Variants in CPSF3 observed in about 807,000 individuals in gnomAD.
CPSF3 encodes cleavage and polyadenylation specific factor 3, also known as cleavage and polyadenylation specificity factor subunit 3.
CPSF3 carries 57 observed loss-of-function variants against 84.1 expected under a neutral mutation model. That is an observed-to-expected ratio of 0.68 (90% CI 0.55 to 0.85). CPSF3 has a LOEUF of 0.85. CPSF3 is among the 40% of genes least tolerant of loss of function. The probability of loss-of-function intolerance (pLI) is 0.00; values close to 1 mark genes in which losing one functional copy is unlikely to be tolerated. For synonymous variants in CPSF3, 275 were observed against 278.1 expected (o/e 0.99, Z 0.11); for missense variants, 522 against 838.8 (o/e 0.62, Z 4.66).
At chr2:9,456,875 G>C (rs1424164147) in intron 13 of CPSF3, 58 bp from the exon 14 acceptor site, 2 of 1,027,622 alleles carry the variant, frequency 1.9e-6, no homozygotes, top group East Asian at 2.4e-5. Context: ...ACAAACGAAT[G>C]GTCTCTGGAA....
intron 12 of CPSF3, 129 bp from the exon 13 acceptor site, chr2:9,455,530 A>T: frequency 1.5e-6 from 1 of 645,778 alleles, no homozygotes; most frequent in African/African-American, 1.8e-5. Context: ...GTACCAAATT[A>T]AGGAGCATCT....
At chr2:9,472,396 A>G (rs1298970202) in intron 17 of CPSF3, among the ~76,000 whole-genome samples, 2 of 152,084 alleles carry the variant, frequency 1.3e-5, no homozygotes, top group Non-Finnish European at 2.9e-5. Flanking sequence ...TGTTGAGTAG[A>G]TAGCCACATC....
intron 15 of CPSF3, among the ~76,000 whole-genome samples, chr2:9,466,343 CG>C (rs1681961855): frequency 3.4e-5 from 2 of 58,452 alleles, no homozygotes; most frequent in African/African-American, 7.0e-5. Flanking sequence ...CGCACACACG[CG>C]CGCGCGCGCA....
chr2:9,446,173 A>G (rs1455608741), intron 10 of CPSF3, among the ~76,000 whole-genome samples: 3 of 152,224 alleles, frequency 2.0e-5, no homozygotes, highest in Admixed American at 6.5e-5. Flanking sequence ...AGAACAATCT[A>G]TCTTGGCCGG....
chr2:9,442,782 G>A (rs769785492), intron 9 of CPSF3, among the ~76,000 whole-genome samples: 2 of 151,914 alleles, frequency 1.3e-5, no homozygotes, highest in Non-Finnish European at 2.9e-5. Context: ...GAAACTGGAG[G>A]CGGAGGTTGC....
At chr2:9,454,326 T>C (rs1681437184) in intron 12 of CPSF3, among the ~76,000 whole-genome samples, 2 of 152,006 alleles carry the variant, frequency 1.3e-5, no homozygotes, top group African/African-American at 4.8e-5. Flanking sequence ...GAGAGTTGCT[T>C]GAATGCAGGA....
intron 10 of CPSF3, among the ~76,000 whole-genome samples, chr2:9,443,904 A>G (rs1221407796): frequency 2.0e-5 from 3 of 151,748 alleles, no homozygotes; most frequent in African/African-American, 7.3e-5. Flanking sequence ...TTTTTCTGTT[A>G]TTTTCTGCTG....
At chr2:9,454,153 T>C (rs1312179397) in intron 12 of CPSF3, among the ~76,000 whole-genome samples, 1 of 152,128 alleles carries the variant, frequency 6.6e-6, no homozygotes, top group Non-Finnish European at 1.5e-5. Context: ...CTCACGCCTG[T>C]AATCCCAGCA....
intron 15 of CPSF3, among the ~76,000 whole-genome samples, chr2:9,466,238 GCGCACGCA>G (rs1198904792): frequency 1.6e-5 from 2 of 123,324 alleles, no homozygotes; most frequent in Non-Finnish European, 3.5e-5. Context: ...ACACACGTGC[GCGCACGCA>G]CGCGCACACA....
chr2:9,447,155 T>C (rs532226773), intron 10 of CPSF3, among the ~76,000 whole-genome samples: 1 of 152,060 alleles, frequency 6.6e-6, no homozygotes, highest in South Asian at 2.1e-4. Context: ...AAGAAATATA[T>C]AAAGTAATAA....
chr2:9,426,641 A>G (rs560348878), intron 1 of CPSF3, among the ~76,000 whole-genome samples: 2 of 152,276 alleles, frequency 1.3e-5, no homozygotes, highest in East Asian at 1.9e-4. Context: ...AGGTGGCTGA[A>G]TATGTGAAGG....
At chr2:9,466,392 GCACACA>G (rs544766741) in intron 15 of CPSF3, among the ~76,000 whole-genome samples, 3 of 143,590 alleles carry the variant, frequency 2.1e-5, no homozygotes, top group Admixed American at 6.9e-5. Flanking sequence ...GCACACACGC[GCACACA>G]CACGCACGCG....
chr2:9,448,198 A>G lies in CPSF3; in HGVS notation c.1243A>G (p.Ile415Val). 1 of 1,580,030 alleles carries G rather than the reference A, an allele frequency of 6.3e-7. No individual in the cohort carries two copies. Among genetic ancestry groups the G allele is most frequent in the South Asian group, 1.2e-5 (1 of 86,180 alleles). Residue 415 changes from isoleucine (I) to valine (V), a missense_variant and splice_region_variant, in exon 11 of 18, where the codon ATT becomes GTT. Physicochemically the swap from Ile to Val is conservative, Grantham distance 29. Transcript: ENST00000238112. ...TTCTTTTAACATTTATTCTATGTAG[A>G]TTTTAGTCCATGGAGAACAGAATGA... ...FIRALKPPHV[I>V]LVHGEQNEMA...
rs866660801 is a variant in CPSF3, at chr2:9,428,789, A to G, written c.75A>G (p.Arg25=). 11 of 1,605,888 alleles carry G rather than the reference A, an allele frequency of 6.8e-6. No homozygotes were observed. The Middle Eastern group carries it at 1.7e-3, about 242-fold the overall frequency. The part of the protein sequence containing the change: ...RPLGAGQEVG[R]SCIILEFKGR... Reference sequence around the variant, plus strand: ...GTGGAGCTGGGCAAGAAGTAGGAAGATCATGTATTATTCTCGAGTTCAAAG... The same window carrying G: ...GTGGAGCTGGGCAAGAAGTAGGAAGGTCATGTATTATTCTCGAGTTCAAAG... Residue 25 remains arginine (R), a synonymous_variant, in exon 2 of 18, where the codon AGA becomes AGG. Transcript: ENST00000238112.
At chr2:9,450,612 A>G (rs1261392849) in intron 11 of CPSF3, among the ~76,000 whole-genome samples, 1 of 151,622 alleles carries the variant, frequency 6.6e-6, no homozygotes, top group Non-Finnish European at 1.5e-5. Flanking sequence ...ACATGGAGAA[A>G]CCCTGTCTCT....
chr2:9,450,578 A>C (rs1234076110), intron 11 of CPSF3, among the ~76,000 whole-genome samples: 1 of 151,958 alleles, frequency 6.6e-6, no homozygotes, highest in Admixed American at 6.6e-5. Flanking sequence ...ATCTGAGATC[A>C]GGAGTTCGAG....
rs543095104 is a variant in CPSF3, at chr2:9,429,347, C to A, written c.114+519C>A. Among the ~76,000 whole-genome samples, 343 of 152,328 alleles carry A rather than the reference C, an allele frequency of 2.3e-3. 1 individual carries two copies. Among genetic ancestry groups the A allele is most frequent in the African/African-American group, 7.7e-3 (321 of 41,572 alleles). On this transcript the variant is annotated intron_variant, in intron 2 of 17. Transcript: ENST00000238112. The stretch of plus-strand genomic sequence containing the variant: ...GAAAGTCAGTTCTGTGTCTCAGATT[C>A]CTTTGATTCCTCTTTCTTCTCAACT...
chr2:9,444,337 G>A lies in CPSF3; in HGVS notation c.1242+676G>A, dbSNP rs569619259. ...GAGATGGGGTTTCACCGTCTTGGCC[G>A]GGCTGGTCTTGAACTCCTGACTTCA... On this transcript the variant is annotated intron_variant, in intron 10 of 17. Coordinates refer to ENST00000238112, the MANE Select transcript of CPSF3 (RefSeq NM_016207.4). Among the ~76,000 whole-genome samples, 47 of 151,406 alleles carry A rather than the reference G, an allele frequency of 3.1e-4. 1 individual carries two copies. The highest frequency in any genetic ancestry group is 1.3e-3 in the Admixed American group (19 of 15,172).
chr2:9,437,981 G>A (rs368593361), intron 7 of CPSF3, among the ~76,000 whole-genome samples: 62 of 152,322 alleles, frequency 4.1e-4, no homozygotes, highest in African/African-American at 1.4e-3. Context: ...CAGGGTGGGC[G>A]ACACAATGAG....
Sources: allele counts gnomAD v4.1 joint callset (sites outside exome capture counted in the v4.1 genomes callset), GRCh38; gene constraint gnomAD v4.1.1; transcripts MANE v1.5; gene names NCBI Gene and HGNC (gene_info 2026-07-23, HGNC 2026-07-21).